MEGF10: variants seen among roughly 807,000 people sequenced by gnomAD.
MEGF10 encodes multiple EGF like domains 10, also known as multiple epidermal growth factor-like domains protein 10.
In MEGF10, 86 loss-of-function variants were observed where a neutral mutation model predicts 147.5. That is an observed-to-expected ratio of 0.58 (90% CI 0.49 to 0.70). The LOEUF (loss-of-function observed/expected upper bound fraction) is 0.70, where lower values mean the gene tolerates loss of function less well. MEGF10 is among the 30% of genes least tolerant of loss of function. The pLI is 0.00. For missense variants in MEGF10, 1,329 were observed against 1,487.3 expected (o/e 0.89, Z 1.75); for synonymous variants, 478 against 525.5 (o/e 0.91, Z 1.24).
intron 5 of MEGF10, among the ~76,000 whole-genome samples, chr5:127,389,778 A>T (rs1763574594): frequency 6.6e-6 from 1 of 152,118 alleles, no homozygotes; most frequent in Non-Finnish European, 1.5e-5. Context: ...TGGCAAGTGG[A>T]GGGTGGGAGG....
chr5:127,338,529 G>A (rs561440166), intron 2 of MEGF10, among the ~76,000 whole-genome samples: 3 of 152,158 alleles, frequency 2.0e-5, no homozygotes, highest in East Asian at 1.9e-4. Context: ...TAGGCTAATT[G>A]TCTCAGCCAT....
intron 3 of MEGF10, among the ~76,000 whole-genome samples, 165 bp downstream of exon 3, chr5:127,339,386 A>G (rs1761592761): frequency 6.6e-6 from 1 of 152,164 alleles, no homozygotes; most frequent in African/African-American, 2.4e-5. Context: ...GTAGAAAAGC[A>G]GAAAGGTAGC....
intron 8 of MEGF10, among the ~76,000 whole-genome samples, chr5:127,407,404 A>C (rs913844431): frequency 2.6e-5 from 4 of 152,204 alleles, no homozygotes; most frequent in Non-Finnish European, 5.9e-5. Context: ...TTAAGTTCAC[A>C]ATGACATACA....
At chr5:127,235,923 T>A in the MEGF10 span, among the ~76,000 whole-genome samples, 2 of 152,124 alleles carry the variant, frequency 1.3e-5, no homozygotes, top group African/African-American at 4.8e-5. Flanking sequence ...GGATAATTTA[T>A]CCTTTTAAAG....
intron 2 of MEGF10, among the ~76,000 whole-genome samples, chr5:127,336,286 C>T (rs1306242139): frequency 6.6e-6 from 1 of 151,812 alleles, no homozygotes; most frequent in East Asian, 2.0e-4. Context: ...CTCCTATTTC[C>T]CCCAAGCTAT....
intron 5 of MEGF10, among the ~76,000 whole-genome samples, chr5:127,378,506 G>T (rs1214949146): frequency 6.6e-6 from 1 of 152,180 alleles, no homozygotes; most frequent in Non-Finnish European, 1.5e-5. Flanking sequence ...AGGTTGAAGT[G>T]CAGTGGTGTG....
the MEGF10 span, among the ~76,000 whole-genome samples, chr5:127,232,749 A>C: frequency 6.6e-6 from 1 of 152,142 alleles, no homozygotes; most frequent in Non-Finnish European, 1.5e-5. Context: ...AAAGATGGGC[A>C]CTTATTATTA....
chr5:127,327,630 C>T (rs575561387), intron 1 of MEGF10, among the ~76,000 whole-genome samples: 17 of 151,732 alleles, frequency 1.1e-4, no homozygotes, highest in African/African-American at 3.9e-4. Context: ...TGTTTACTCA[C>T]CAAAACCTAT....
intron 9 of MEGF10, among the ~76,000 whole-genome samples, chr5:127,416,370 A>T (rs1216898943): frequency 1.3e-5 from 2 of 152,136 alleles, no homozygotes; most frequent in African/African-American, 4.8e-5. Context: ...GATGCCGTGG[A>T]GATGCCATGT....
At chr5:127,433,796 T>C (rs751657156) in intron 14 of MEGF10, among the ~76,000 whole-genome samples, 3 of 152,254 alleles carry the variant, frequency 2.0e-5, no homozygotes, top group Non-Finnish European at 4.4e-5. Context: ...TCACCCTTCC[T>C]GAAAGCTTTG....
intron 1 of MEGF10, among the ~76,000 whole-genome samples, chr5:127,329,217 A>G (rs1373239214): frequency 6.6e-6 from 1 of 152,228 alleles, no homozygotes; most frequent in Non-Finnish European, 1.5e-5. Context: ...GAATTAATCT[A>G]TAAGTTAATT....
chr5:127,327,290 TA>T (rs1761076829), intron 1 of MEGF10, among the ~76,000 whole-genome samples: 4 of 152,210 alleles, frequency 2.6e-5, no homozygotes, highest in African/African-American at 9.6e-5. Context: ...AATGACTCTT[TA>T]TTTTTTTACA....
chr5:127,418,299 A>C (rs898495252), intron 10 of MEGF10, among the ~76,000 whole-genome samples: 2 of 152,202 alleles, frequency 1.3e-5, no homozygotes, highest in Non-Finnish European at 2.9e-5. Flanking sequence ...TGCATAATAG[A>C]GCAGAATTTT....
intron 1 of MEGF10, among the ~76,000 whole-genome samples, chr5:127,317,313 T>G (rs1760597340): frequency 6.6e-6 from 1 of 152,222 alleles, no homozygotes; most frequent in Admixed American, 6.5e-5. Flanking sequence ...GTGCAGAAGC[T>G]CTTTAGTTTA....
intron 9 of MEGF10, among the ~76,000 whole-genome samples, chr5:127,413,601 A>G (rs1580838060): frequency 6.6e-6 from 1 of 152,240 alleles, no homozygotes; most frequent in Non-Finnish European, 1.5e-5. Context: ...CCATATGTGT[A>G]TAATCCTATT....
chr5:127,374,230 A>G (rs1046765952), intron 5 of MEGF10, among the ~76,000 whole-genome samples: 1 of 152,254 alleles, frequency 6.6e-6, no homozygotes, highest in Non-Finnish European at 1.5e-5. Context: ...TTGGTGCTTT[A>G]GGAGCCAAGA....
Position 127,424,385 on chromosome 5 carries a change from A to G in MEGF10, c.1693+1613A>G, listed in dbSNP as rs1222675839. ...TCCTTGAATTTCCATGTGAATGGTAACATCAATATGTTAATTTCCACAAAG... is the reference window on the plus strand; with the variant it reads ...TCCTTGAATTTCCATGTGAATGGTAGCATCAATATGTTAATTTCCACAAAG... On this transcript the variant is annotated intron_variant, in intron 13 of 24. Coordinates refer to ENST00000503335, the MANE Select transcript of MEGF10 (RefSeq NM_001256545.2). 3.9e-6 allele frequency: 3 copies of G among 771,760 alleles called. No homozygotes were observed. The South Asian group carries it at 4.4e-5, about 11-fold the overall frequency. 47.8% of individuals were successfully genotyped at this position (771,760 alleles called of 1,614,324 possible).
At position 127,339,238 on chromosome 5, in the gene MEGF10, C is replaced by G. The variant is rs72786483; in HGVS notation, c.218+17C>G. 3.5e-3 allele frequency: 5,445 copies of G among 1,569,170 alleles called. 19 individuals are homozygous for G. Among genetic ancestry groups the G allele is most frequent in the Non-Finnish European group, 4.3e-3 (4,856 of 1,141,066 alleles). ...GCGGCACAGGTAATAGAAGCTCAGG[C>G]ATGTTTGTGAGTTTGGCTAACTGGG... On this transcript the variant is annotated intron_variant, in intron 3 of 24. Transcript: ENST00000503335.
chr5:127,398,834 A>G, intron 7 of MEGF10, 38 bp downstream of exon 7: 1 of 1,612,450 alleles, frequency 6.2e-7, no homozygotes, highest in Non-Finnish European at 8.5e-7. Flanking sequence ...CCTGCCCCAA[A>G]GTCACCCATT....
Sources: allele counts gnomAD v4.1 joint callset (sites outside exome capture counted in the v4.1 genomes callset), GRCh38; gene constraint gnomAD v4.1.1; transcripts MANE v1.5; gene names NCBI Gene and HGNC (gene_info 2026-07-23, HGNC 2026-07-21).